The following HSD17B7 variants were observed in gnomAD, a reference collection of about 807,000 sequenced individuals.
HSD17B7 encodes the protein 3-keto-steroid reductase/17-beta-hydroxysteroid dehydrogenase 7.
A neutral mutation model predicts 34.1 loss-of-function variants in HSD17B7; 17 were observed. The observed-to-expected ratio is 0.50, with a 90% CI of 0.34 to 0.75. HSD17B7 has a LOEUF of 0.75. HSD17B7 is among the 30% of genes least tolerant of loss of function. The pLI is 0.01. For missense variants in HSD17B7, 296 were observed against 406.6 expected (o/e 0.73, Z 2.34); for synonymous variants, 122 against 154.6 (o/e 0.79, Z 1.56).
intron 2 of HSD17B7, among the ~76,000 whole-genome samples, chr1:162,793,579 A>G (rs774562649): frequency 5.9e-5 from 9 of 152,234 alleles, no homozygotes; most frequent in Non-Finnish European, 1.0e-4. Flanking sequence ...GCACTTGGCC[A>G]GTACCACATT....
At chr1:162,799,970 G>C in intron 5 of HSD17B7, 33 bp downstream of exon 5, 1 of 1,589,928 alleles carries the variant, frequency 6.3e-7, no homozygotes, top group Non-Finnish European at 8.6e-7. Context: ...GGAAATGGCA[G>C]AGGAGGGTTC....
At chr1:162,807,086 T>G (rs557959642) in intron 8 of HSD17B7, among the ~76,000 whole-genome samples, 1 of 152,192 alleles carries the variant, frequency 6.6e-6, no homozygotes, top group Non-Finnish European at 1.5e-5. Context: ...AACTCATCAT[T>G]TACATTAGGT....
At position 162,791,663 on chromosome 1, in the gene HSD17B7, G is replaced by T. The variant is rs905112161; in HGVS notation, c.35+828G>T. Among the ~76,000 whole-genome samples, 4 of 149,352 alleles carry T rather than the reference G, an allele frequency of 2.7e-5. No individual in the cohort carries two copies. In the South Asian group the frequency reaches 8.6e-4, roughly 32 times the overall value. ...GCAACTTTTTAGCATACCCTCTCAA[G>T]TGACTTTAACCGTTGATTGGTGCTT... On this transcript the variant is annotated intron_variant, in intron 1 of 8. Coordinates refer to ENST00000254521, the MANE Select transcript of HSD17B7 (RefSeq NM_016371.4).
At chr1:162,803,185 G>A (rs1571005371) in intron 5 of HSD17B7, 1 of 288,560 alleles carries the variant, frequency 3.5e-6, no homozygotes, top group South Asian at 7.6e-5. Context: ...ATACTGCAAG[G>A]TTCATGAGAA....
In HSD17B7 at chr1:162,794,070, A is replaced by G. The variant is rs146139822; in HGVS notation, c.239+1208A>G. 8.7e-3 allele frequency among the ~76,000 whole-genome samples: 1,330 copies of G among 152,272 alleles called. 8 individuals carry two copies. Among genetic ancestry groups the G allele is most frequent in the Non-Finnish European group, 0.013 (904 of 68,010 alleles). ...TTTTTCTGAGCAGAGAGGGCTTTTT[A>G]TTTATTTATTTGTTTTTAAATTGTA... On this transcript the variant is annotated intron_variant, in intron 2 of 8. Transcript: ENST00000254521.
intron 5 of HSD17B7, among the ~76,000 whole-genome samples, chr1:162,800,640 CCCAGGTCTAAATTCTTACCTGGAAATCT>C (rs1648778189): frequency 6.6e-6 from 1 of 152,140 alleles, no homozygotes; most frequent in Non-Finnish European, 1.5e-5. Flanking sequence ...GTCTCTGTTG[CCCAGGTCTAAATTCTTACCTGGAAATCT>C]CCAGTCTTCG....
rs757627994 is a variant in HSD17B7 at position 162,805,498 on chromosome 1, T to C, written c.903+6T>C. ...ATTACATTATGACCCAGAAGGTAAA[T>C]GTGCTTACATTGTTGCACTGATGTT... On this transcript the variant is annotated splice_donor_region_variant and intron_variant, in intron 8 of 8. Transcript: ENST00000254521. 26 of 1,612,008 alleles carry C rather than the reference T, an allele frequency of 1.6e-5. No individual in the cohort carries two copies. The highest frequency in any genetic ancestry group is 2.1e-5 in the Non-Finnish European group (25 of 1,178,838).
rs776323384 is a variant in HSD17B7, at chr1:162,804,331, A to C, written c.804+8A>C. 3 of 1,553,320 alleles carry C rather than the reference A, an allele frequency of 1.9e-6. No individual in the cohort carries two copies. The highest frequency in any genetic ancestry group is 2.6e-6 in the Non-Finnish European group (3 of 1,132,598). ...AATGGAACAGAAGCTCTGGTATGTT[A>C]CTGAAGTTTTTATAACTTGTATGAT... is the stretch of plus-strand genomic sequence containing the variant. On this transcript the variant is annotated splice_region_variant and intron_variant, in intron 7 of 8. Coordinates refer to ENST00000254521, the MANE Select transcript of HSD17B7 (RefSeq NM_016371.4).
chr1:162,796,762 A>T lies in HSD17B7; in HGVS notation c.332+85A>T, dbSNP rs1482481079. The T allele has an allele frequency of 1.2e-5, 10 of 847,102 alleles. No individual in the cohort carries two copies. The Admixed American group carries it at 1.2e-4, about 10-fold the overall frequency. 52.5% of individuals were successfully genotyped at this position (847,102 alleles called of 1,614,324 possible). On this transcript the variant is annotated intron_variant, in intron 3 of 8. Coordinates refer to ENST00000254521, the MANE Select transcript of HSD17B7 (RefSeq NM_016371.4). ...TTTGATGGCATGTTAAGTTGGGGGG[A>T]TGAAAGGTAAGGGGTTGTTGAAAAG...
chr1:162,793,495 A>G (rs1231498940), intron 2 of HSD17B7, among the ~76,000 whole-genome samples: 2 of 152,086 alleles, frequency 1.3e-5, no homozygotes, highest in African/African-American at 2.4e-5. Context: ...TAATTATTTC[A>G]TGGAGACTAA....
At chr1:162,791,793 A>T (rs1446449066) in intron 1 of HSD17B7, among the ~76,000 whole-genome samples, 1 of 151,992 alleles carries the variant, frequency 6.6e-6, no homozygotes, top group Non-Finnish European at 1.5e-5. Flanking sequence ...TTCTCATGTG[A>T]GGACAAATAA....
In HSD17B7 at chr1:162,805,381, C is replaced by T; in HGVS notation, c.805-13C>T. 1 of 1,612,000 alleles carries T rather than the reference C, an allele frequency of 6.2e-7. No homozygotes were observed. The highest frequency in any genetic ancestry group is 1.7e-5 in the Admixed American group (1 of 59,812). On this transcript the variant is annotated splice_polypyrimidine_tract_variant and intron_variant, in intron 7 of 8. Transcript: ENST00000254521. ...CAGAAGAAACAAATCATTGACACAT[C>T]CTTCCTTTCCAGGTATGGCTTTTCC...
chr1:162,805,518 G>C, intron 8 of HSD17B7, 26 bp downstream of exon 8: 1 of 1,607,852 alleles, frequency 6.2e-7, no homozygotes, highest in Non-Finnish European at 8.5e-7. Context: ...TTGTTGCACT[G>C]ATGTTTGCTG....
At chr1:162,811,433 T>C (rs531760269) in intron 8 of HSD17B7, among the ~76,000 whole-genome samples, 42 of 152,308 alleles carry the variant, frequency 2.8e-4, no homozygotes, top group South Asian at 6.2e-4. Context: ...CCTTTCAATT[T>C]TGTGAACAAA....
chr1:162,795,363 A>G (rs986961244), intron 2 of HSD17B7, among the ~76,000 whole-genome samples: 7 of 152,220 alleles, frequency 4.6e-5, no homozygotes, highest in Admixed American at 2.6e-4. Context: ...CAATGTATCA[A>G]TTATTTTATT....
intron 8 of HSD17B7, among the ~76,000 whole-genome samples, chr1:162,808,841 T>C (rs1649077884): frequency 6.6e-6 from 1 of 152,238 alleles, no homozygotes; most frequent in Non-Finnish European, 1.5e-5. Flanking sequence ...TTTGCTGAAG[T>C]TGCTTATCAG....
chr1:162,810,890 G>A (rs1649151556), intron 8 of HSD17B7, among the ~76,000 whole-genome samples: 1 of 152,140 alleles, frequency 6.6e-6, no homozygotes, highest in South Asian at 2.1e-4. Context: ...GATGGGTCTT[G>A]ACTCTTTATC....
intron 2 of HSD17B7, 50 bp from the exon 3 acceptor site, chr1:162,796,535 C>T (rs532130716): frequency 1.2e-4 from 138 of 1,129,170 alleles, no homozygotes; most frequent in Admixed American, 2.4e-4. Context: ...CAATCTTGTC[C>T]TGATGTTTTT....
At chr1:162,798,142 A>T in intron 4 of HSD17B7, 1 of 741,740 alleles carries the variant, frequency 1.3e-6, no homozygotes, top group East Asian at 3.2e-5. Context: ...GATTTACAGA[A>T]TTACTGCAAA....
Sources: allele counts gnomAD v4.1 joint callset (sites outside exome capture counted in the v4.1 genomes callset), GRCh38; gene constraint gnomAD v4.1.1; transcripts MANE v1.5; gene names NCBI Gene and HGNC (gene_info 2026-07-23, HGNC 2026-07-21).